The following TUSC7 variants were observed in gnomAD, a reference collection of about 807,000 sequenced individuals.
The protein encoded by TUSC7 is LSAMP antisense RNA 3.
chr3:116,712,072 C>A (rs950014472), intron 1 of TUSC7, among the ~76,000 whole-genome samples: 1 of 152,144 alleles, frequency 6.6e-6, no homozygotes, highest in Non-Finnish European at 1.5e-5. Flanking sequence ...TGTCTGCTTT[C>A]ATACTAAATA....
chr3:116,714,943 T>C (rs911497681), intron 1 of TUSC7, among the ~76,000 whole-genome samples: 4 of 152,238 alleles, frequency 2.6e-5, no homozygotes, highest in Admixed American at 6.5e-5. Context: ...TATAGTATTG[T>C]ACAGAGGATT....
At chr3:116,714,135 T>C (rs546002948) in intron 1 of TUSC7, 1 of 149,740 alleles carries the variant, frequency 6.7e-6, no homozygotes, top group East Asian at 2.0e-4. Context: ...ATTACCATAA[T>C]AGCCATGGGA....
chr3:116,712,892 T>C (rs556636494), intron 1 of TUSC7: 1 of 152,318 alleles, frequency 6.6e-6, no homozygotes, highest in African/African-American at 2.4e-5. Context: ...TGTTTGTATG[T>C]AGACATATAA....
intron 1 of TUSC7, among the ~76,000 whole-genome samples, chr3:116,710,745 T>C (rs1410509975): frequency 6.6e-6 from 1 of 152,066 alleles, no homozygotes; most frequent in Non-Finnish European, 1.5e-5. Context: ...GAGTAAACCT[T>C]AGAGTGAAGA....
chr3:116,714,773 C>G (rs539861958), intron 1 of TUSC7, among the ~76,000 whole-genome samples: 9 of 152,256 alleles, frequency 5.9e-5, no homozygotes, highest in South Asian at 4.1e-4. Context: ...ATAGTTCCCC[C>G]CTTATCAATG....
At chr3:116,712,560 A>G (rs2051470957) in intron 1 of TUSC7, 2 of 152,178 alleles carry the variant, frequency 1.3e-5, no homozygotes, top group South Asian at 2.1e-4. Flanking sequence ...GAAAGATGAA[A>G]AGGACTAAAT....
At chr3:116,716,539 C>T (rs571815650) in intron 1 of TUSC7, 1 of 152,274 alleles carries the variant, frequency 6.6e-6, no homozygotes, top group East Asian at 1.9e-4. Flanking sequence ...GGGATTAATC[C>T]TTCTGCTTCA....
chr3:116,710,630 T>C (rs1417163129), intron 1 of TUSC7, among the ~76,000 whole-genome samples: 2 of 152,154 alleles, frequency 1.3e-5, no homozygotes, highest in Non-Finnish European at 2.9e-5. Context: ...TAAGTACTAC[T>C]TTTCATGCAA....
chr3:116,710,439 T>A (rs1207723766), intron 1 of TUSC7: 1 of 152,052 alleles, frequency 6.6e-6, no homozygotes, highest in Admixed American at 6.6e-5. Flanking sequence ...CCCTTTCTTA[T>A]CCCAAATATA....
intron 1 of TUSC7, among the ~76,000 whole-genome samples, chr3:116,714,820 A>C (rs907038709): frequency 1.3e-5 from 2 of 152,208 alleles, no homozygotes; most frequent in African/African-American, 4.8e-5. Flanking sequence ...ACAATTGATG[A>C]ACCTGCATTG....
chr3:116,710,431 C>T lies in TUSC7; in HGVS notation n.98+555C>T, dbSNP rs1463217295. The T allele has an allele frequency of 2.6e-5, 4 of 152,070 alleles. No individual in the cohort carries two copies. In the South Asian group the frequency reaches 6.2e-4, roughly 24 times the overall value. 9.4% of individuals were successfully genotyped at this position (152,070 alleles called of 1,614,324 possible). On this transcript the variant is annotated intron_variant and non_coding_transcript_variant, in intron 1 of 2. Transcript: ENST00000477805. The stretch of plus-strand genomic sequence containing the variant: ...TGTGGGAGAGGAGCAGGTATAAACC[C>T]TTTCTTATCCCAAATATATCAGGAG...
intron 1 of TUSC7, among the ~76,000 whole-genome samples, chr3:116,715,033 G>C (rs2051494225): frequency 6.6e-6 from 1 of 152,052 alleles, no homozygotes; most frequent in Non-Finnish European, 1.5e-5. Flanking sequence ...TCTTTTCACT[G>C]TTTCCATAGT....
At chr3:116,712,150 AG>A (rs1273391885) in intron 1 of TUSC7, among the ~76,000 whole-genome samples, 1 of 152,224 alleles carries the variant, frequency 6.6e-6, no homozygotes, top group East Asian at 1.9e-4. Flanking sequence ...AATGTGAGAA[AG>A]GGTCTGATTT....
chr3:116,714,332 C>A (rs1467909118), intron 1 of TUSC7, among the ~76,000 whole-genome samples: 1 of 152,168 alleles, frequency 6.6e-6, no homozygotes, highest in East Asian at 1.9e-4. Flanking sequence ...GATGGTTTGG[C>A]ATGATGATCT....
intron 1 of TUSC7, chr3:116,713,952 G>A (rs2051484027): frequency 6.6e-6 from 1 of 152,174 alleles, no homozygotes; most frequent in African/African-American, 2.4e-5. Flanking sequence ...GGTGATAAGA[G>A]CGAAAATCCA....
chr3:116,713,283 G>A (rs954517243), intron 1 of TUSC7, among the ~76,000 whole-genome samples: 2 of 152,104 alleles, frequency 1.3e-5, no homozygotes, highest in Non-Finnish European at 2.9e-5. Flanking sequence ...AAATTCTCTG[G>A]TTAAGCACTT....
intron 1 of TUSC7, chr3:116,713,891 G>C (rs368419811): frequency 6.6e-6 from 1 of 152,200 alleles, no homozygotes; most frequent in South Asian, 2.1e-4. Context: ...ACTTGAACCC[G>C]GGAGGCAGAG....
At chr3:116,714,280 T>C (rs2051486995) in intron 1 of TUSC7, 1 of 152,180 alleles carries the variant, frequency 6.6e-6, no homozygotes, top group African/African-American at 2.4e-5. Context: ...TTGTGGACTT[T>C]TGCACCAAAT....
Position 116,714,477 on chromosome 3 carries a change from CTG to C in TUSC7, n.99-3283_99-3282del, listed in dbSNP as rs535477679. Among the ~76,000 whole-genome samples the C allele has an allele frequency of 5.0e-3, 768 of 152,208 alleles. 3 individuals are homozygous for C. Among genetic ancestry groups the C allele is most frequent in the Non-Finnish European group, 7.8e-3 (528 of 68,014 alleles). On this transcript the variant is annotated intron_variant and non_coding_transcript_variant, in intron 1 of 2. Transcript: ENST00000477805. ...CAAACATTAATGTGTATATAAATCA[CTG>C]GGGATCTTGTTAAAGTACAGTTTAA...
Sources: gnomAD v4.1 joint callset for allele counts (sites outside exome capture counted in the v4.1 genomes callset) on GRCh38, gnomAD v4.1.1 for gene constraint, MANE v1.5 for transcripts, NCBI Gene and HGNC (gene_info 2026-07-23, HGNC 2026-07-21) for gene names.